Variants in CUBN observed in about 807,000 individuals in gnomAD.
The protein encoded by CUBN is cubilin.
A neutral mutation model predicts 405.3 loss-of-function variants in CUBN; 282 were observed. The ratio of observed to expected loss-of-function variants is 0.70; its 90% CI spans 0.63 to 0.77. The LOEUF (loss-of-function observed/expected upper bound fraction) is 0.77. CUBN is among the 30% of genes least tolerant of loss of function. The pLI is 0.00. For synonymous variants in CUBN, 1,684 were observed against 1,617.0 expected (o/e 1.04, Z -0.99); for missense variants, 4,514 against 4,475.2 (o/e 1.01, Z -0.25).
intron 59 of CUBN, among the ~76,000 whole-genome samples, chr10:16,851,910 A>C (rs1265593861): frequency 7.6e-4 from 35 of 46,298 alleles, no homozygotes; most frequent in South Asian, 1.5e-3. Flanking sequence ...CCCTGACTCT[A>C]TCTTTCCCTC....
intron 45 of CUBN, among the ~76,000 whole-genome samples, chr10:16,916,728 T>C (rs1021043590): frequency 7.9e-5 from 12 of 152,174 alleles, no homozygotes; most frequent in African/African-American, 2.9e-4. Flanking sequence ...GACCATATTA[T>C]AGTGAATCTT....
chr10:16,858,077 A>C (rs115617234), intron 59 of CUBN, among the ~76,000 whole-genome samples: 2,413 of 152,262 alleles, frequency 0.016, 58 homozygotes, highest in African/African-American at 0.054. Context: ...CAAAAAAATG[A>C]AATATTTAGG....
intron 15 of CUBN, among the ~76,000 whole-genome samples, chr10:17,087,457 A>G (rs1327007025): frequency 1.4e-5 from 1 of 69,406 alleles, no homozygotes; most frequent in African/African-American, 4.3e-5. Context: ...CACAATCACT[A>G]TTATTTTTCT....
At chr10:16,837,299 G>T (rs1186729834) in intron 62 of CUBN, among the ~76,000 whole-genome samples, 2 of 151,842 alleles carry the variant, frequency 1.3e-5, no homozygotes, top group Admixed American at 1.3e-4. Flanking sequence ...AGTGGGAAGG[G>T]TGGGGGGCCA....
intron 3 of CUBN, among the ~76,000 whole-genome samples, chr10:17,127,579 C>G (rs1183919337): frequency 1.3e-5 from 2 of 151,856 alleles, no homozygotes; most frequent in African/African-American, 4.8e-5. Flanking sequence ...ATCATCCATT[C>G]ACTTGCAGTG....
At chr10:16,951,670 C>G (rs1019065348) in intron 33 of CUBN, among the ~76,000 whole-genome samples, 3 of 152,076 alleles carry the variant, frequency 2.0e-5, no homozygotes, top group African/African-American at 7.2e-5. Flanking sequence ...GTTACCAGGT[C>G]AGAAAATAAG....
chr10:17,018,070 A>C (rs1834385554), intron 28 of CUBN, among the ~76,000 whole-genome samples: 1 of 152,158 alleles, frequency 6.6e-6, no homozygotes, highest in African/African-American at 2.4e-5. Context: ...AGCTGGTTCC[A>C]GGCCAACCAA....
intron 17 of CUBN, among the ~76,000 whole-genome samples, chr10:17,078,325 C>T (rs796676404): frequency 7.2e-5 from 11 of 152,252 alleles, no homozygotes; most frequent in African/African-American, 2.4e-4. Context: ...TTTTTTCTGA[C>T]TTCAGTCTCT....
intron 14 of CUBN, among the ~76,000 whole-genome samples, chr10:17,097,724 A>C (rs1210912275): frequency 6.7e-6 from 1 of 149,852 alleles, no homozygotes; most frequent in Non-Finnish European, 1.5e-5. Flanking sequence ...ATTCAAAATC[A>C]ATCAATTTAA....
chr10:16,878,479 A>T (rs1168648644), intron 56 of CUBN, among the ~76,000 whole-genome samples: 1 of 152,208 alleles, frequency 6.6e-6, no homozygotes, highest in African/African-American at 2.4e-5. Flanking sequence ...GTTGAAACAA[A>T]CATTCCTGTA....
intron 14 of CUBN, among the ~76,000 whole-genome samples, chr10:17,094,209 A>T (rs919262939): frequency 1.3e-5 from 2 of 152,082 alleles, no homozygotes; most frequent in African/African-American, 4.8e-5. Flanking sequence ...AACAACAAGA[A>T]TTACTGCTGA....
intron 29 of CUBN, among the ~76,000 whole-genome samples, chr10:16,989,184 T>C (rs1334786427): frequency 6.6e-6 from 1 of 152,130 alleles, no homozygotes; most frequent in Non-Finnish European, 1.5e-5. Context: ...TCCCTAGAGC[T>C]GAGGTCACAG....
chr10:16,853,945 A>G (rs1158026938), intron 59 of CUBN, among the ~76,000 whole-genome samples: 2 of 152,256 alleles, frequency 1.3e-5, no homozygotes, highest in African/African-American at 4.8e-5. Context: ...TATATTTAGT[A>G]TTTAAGTAGA....
chr10:17,041,127 C>G lies in CUBN; in HGVS notation c.3923G>C (p.Trp1308Ser). 6.2e-7 allele frequency: 1 copy of G among 1,613,686 alleles called. No homozygotes were observed. The highest frequency in any genetic ancestry group is 2.2e-5 in the East Asian group (1 of 44,854). The change falls in exon 27 of 67, where the codon TGG (tryptophan) becomes TCG (serine). Residue 1308 changes from tryptophan (W) to serine (S), a missense_variant. By Grantham distance (177) the Trp-to-Ser change is radical. Coordinates refer to ENST00000377833, the MANE Select transcript of CUBN (RefSeq NM_001081.4). ...GTTGCCTGTTGTTGCCCGGATGGTC[C>G]AGTTGCAATGCTGATTTTCAGAATA... Reference protein sequence around the residue: ...NPYSENQHCNWTIRATTGNTV... With the variant: ...NPYSENQHCNSTIRATTGNTV...
chr10:16,905,268 G>C (rs1019413648), intron 50 of CUBN, among the ~76,000 whole-genome samples: 2 of 152,070 alleles, frequency 1.3e-5, no homozygotes, highest in Non-Finnish European at 2.9e-5. Context: ...GCAACCTAAT[G>C]AATAACCTAC....
intron 35 of CUBN, among the ~76,000 whole-genome samples, 159 bp downstream of exon 35, chr10:16,948,319 G>A (rs182671400): frequency 2.6e-4 from 40 of 152,302 alleles, no homozygotes; most frequent in Non-Finnish European, 5.1e-4. Context: ...TGCTAGAATT[G>A]ACAACACGAT....
At chr10:16,871,773 G>A (rs1214370146) in intron 58 of CUBN, among the ~76,000 whole-genome samples, 4 of 152,122 alleles carry the variant, frequency 2.6e-5, no homozygotes, top group African/African-American at 9.7e-5. Flanking sequence ...TTTCCCAGGA[G>A]AGCACAGAAG....
chr10:16,896,331 A>G (rs990689149), intron 54 of CUBN, among the ~76,000 whole-genome samples: 1 of 152,052 alleles, frequency 6.6e-6, no homozygotes, highest in Non-Finnish European at 1.5e-5. Context: ...CTTCTGTTTG[A>G]CCATCTTTAA....
At chr10:17,127,981 C>A in intron 2 of CUBN, 57 bp from the exon 3 acceptor site, 1 of 1,189,904 alleles carries the variant, frequency 8.4e-7, no homozygotes. Context: ...TCATATTTAT[C>A]TTTACAGTAA....
Sources: allele counts gnomAD v4.1 joint callset (sites outside exome capture counted in the v4.1 genomes callset), GRCh38; gene constraint gnomAD v4.1.1; transcripts MANE v1.5; gene names NCBI Gene and HGNC (gene_info 2026-07-23, HGNC 2026-07-21).